Variants in SLC36A1 observed in about 807,000 individuals in gnomAD.
SLC36A1 encodes the protein proton-coupled amino acid transporter 1.
A neutral mutation model predicts 47.5 loss-of-function variants in SLC36A1; 30 were observed. That is an observed-to-expected ratio of 0.63 (90% CI 0.47 to 0.86). The LOEUF is 0.86. Ranked by LOEUF, SLC36A1 falls within the 40% of genes least tolerant of loss-of-function variation. The pLI, the probability that SLC36A1 is intolerant of heterozygous loss-of-function variation, is 0.00. For synonymous variants in SLC36A1, 255 were observed against 249.7 expected (o/e 1.02, Z -0.20); for missense variants, 517 against 606.0 (o/e 0.85, Z 1.54).
chr5:151,537,673 A>G, the SLC36A1 span: 3 of 974,986 alleles, frequency 3.1e-6, no homozygotes, highest in South Asian at 1.9e-5. Context: ...TAGGGCCAAT[A>G]TATGTTTGCT....
the SLC36A1 span, chr5:151,544,275 G>A: frequency 2.5e-6 from 4 of 1,614,228 alleles, no homozygotes; most frequent in African/African-American, 5.3e-5. Flanking sequence ...GAGCAGGCAA[G>A]CCTTCTGAGA....
the SLC36A1 span, among the ~76,000 whole-genome samples, chr5:151,410,286 G>T: frequency 6.9e-6 from 1 of 144,904 alleles, no homozygotes; most frequent in Non-Finnish European, 1.5e-5. Context: ...TTCATTGAAA[G>T]AGAGTGGTGA....
chr5:151,393,753 A>C, the SLC36A1 span, among the ~76,000 whole-genome samples: 1 of 152,060 alleles, frequency 6.6e-6, no homozygotes, highest in Admixed American at 6.6e-5. Flanking sequence ...TGGCTTGTAG[A>C]GTTTCTGCCA....
chr5:151,393,423 G>A, the SLC36A1 span, among the ~76,000 whole-genome samples: 1 of 152,186 alleles, frequency 6.6e-6, no homozygotes, highest in East Asian at 1.9e-4. Flanking sequence ...ATAGTGTTAT[G>A]TGTGAATTTG....
At chr5:151,522,985 C>G in the SLC36A1 span, among the ~76,000 whole-genome samples, 1 of 152,160 alleles carries the variant, frequency 6.6e-6, no homozygotes, top group Non-Finnish European at 1.5e-5. Flanking sequence ...TGTTTCACCA[C>G]ACATCCCTGC....
chr5:151,528,159 A>T, the SLC36A1 span: 1 of 1,607,532 alleles, frequency 6.2e-7, no homozygotes, highest in Non-Finnish European at 8.5e-7. Context: ...GGGATTGTGA[A>T]TGGAGGGACA....
chr5:151,521,566 G>A, the SLC36A1 span: 8 of 1,614,196 alleles, frequency 5.0e-6, no homozygotes, highest in Non-Finnish European at 6.8e-6. Flanking sequence ...ACCAGCCACG[G>A]CCTCTGCAGG....
chr5:151,363,818 A>C, the SLC36A1 span, among the ~76,000 whole-genome samples: 1 of 152,196 alleles, frequency 6.6e-6, no homozygotes, highest in African/African-American at 2.4e-5. Context: ...CACAGTGAAA[A>C]ATACACTAGA....
chr5:151,347,036 A>T, the SLC36A1 span, among the ~76,000 whole-genome samples: 766 of 152,140 alleles, frequency 5.0e-3, 40 homozygotes, highest in East Asian at 0.12. Flanking sequence ...CCTGCCAATG[A>T]CTCAGTATGT....
chr5:151,392,267 T>G, the SLC36A1 span, among the ~76,000 whole-genome samples: 3 of 152,222 alleles, frequency 2.0e-5, no homozygotes, highest in Non-Finnish European at 4.4e-5. Flanking sequence ...TCATTTTTTA[T>G]TGCATCTATT....
the SLC36A1 span, chr5:151,521,716 G>C: frequency 6.2e-7 from 1 of 1,613,978 alleles, no homozygotes; most frequent in South Asian, 1.1e-5. Context: ...CTGCTGCAGA[G>C]CCTCCTGCCC....
chr5:151,399,867 T>C, the SLC36A1 span, among the ~76,000 whole-genome samples: 3 of 152,174 alleles, frequency 2.0e-5, no homozygotes, highest in Non-Finnish European at 2.9e-5. Flanking sequence ...ATAATAATCA[T>C]TGTTTACTTT....
chr5:151,476,590 G>C lies in SLC36A1; in HGVS notation c.823G>C (p.Val275Leu). Residue 275 changes from valine to leucine, a missense_variant and splice_region_variant, in exon 9 of 11, where the codon GTT becomes CTT. Coordinates refer to ENST00000243389, the MANE Select transcript of SLC36A1 (RefSeq NM_078483.4). ...CTCCTCTCTCACTACTCTCTCATAG[G>C]TTCTGCCCCTGGAAAACAAAATGAA... is the stretch of plus-strand genomic sequence containing the variant. ...AIFSFEGIGM[V>L]LPLENKMKDP... 1 of 1,580,884 alleles carries C rather than the reference G, an allele frequency of 6.3e-7. No individual in the cohort carries two copies. The highest frequency in any genetic ancestry group is 2.2e-5 in the East Asian group (1 of 44,654).
the SLC36A1 span, among the ~76,000 whole-genome samples, chr5:151,408,008 G>A: frequency 1.3e-5 from 2 of 152,122 alleles, no homozygotes; most frequent in Middle Eastern, 3.2e-3. Flanking sequence ...TTTACTTCTC[G>A]CCACAACCCT....
At chr5:151,545,133 A>C in the SLC36A1 span, 2 of 1,614,222 alleles carry the variant, frequency 1.2e-6, no homozygotes, top group Non-Finnish European at 1.7e-6. Flanking sequence ...AAAGGGTGTC[A>C]TTCAAATGAT....
chr5:151,355,659 C>T, the SLC36A1 span, among the ~76,000 whole-genome samples: 1 of 152,108 alleles, frequency 6.6e-6, no homozygotes, highest in African/African-American at 2.4e-5. Flanking sequence ...AAGACTCAAG[C>T]ATATCTGTAT....
At chr5:151,416,389 T>C in the SLC36A1 span, among the ~76,000 whole-genome samples, 1 of 152,166 alleles carries the variant, frequency 6.6e-6, no homozygotes, top group Non-Finnish European at 1.5e-5. Context: ...ACAGAGCCAA[T>C]AGAAGTGAGG....
chr5:151,352,928 C>T, the SLC36A1 span, among the ~76,000 whole-genome samples: 3 of 152,228 alleles, frequency 2.0e-5, no homozygotes, highest in South Asian at 4.1e-4. Context: ...TGTCCAGATT[C>T]TTCTTGGCCT....
downstream of SLC36A1, among the ~76,000 whole-genome samples, chr5:151,496,794 A>T (rs1255780279): frequency 3.9e-5 from 6 of 152,270 alleles, no homozygotes; most frequent in African/African-American, 1.4e-4. Context: ...GACCTAGGTG[A>T]TCCTTCCTGA....
Sources: gnomAD v4.1 joint callset for allele counts (sites outside exome capture counted in the v4.1 genomes callset) on GRCh38, gnomAD v4.1.1 for gene constraint, MANE v1.5 for transcripts, NCBI Gene and HGNC (gene_info 2026-07-23, HGNC 2026-07-21) for gene names.